CACNB4: variants seen among roughly 807,000 people sequenced by gnomAD.
CACNB4 encodes voltage-dependent L-type calcium channel subunit beta-4.
CACNB4 carries 32 observed loss-of-function variants against 71.2 expected under a neutral mutation model. The observed-to-expected ratio is 0.45, with a 90% confidence interval of 0.34 to 0.60. The LOEUF (loss-of-function observed/expected upper bound fraction) is 0.60. Among genes scored for constraint, CACNB4 ranks in the 20% least tolerant of loss-of-function variants. CACNB4 has a pLI of 0.01. For missense variants in CACNB4, 464 were observed against 647.9 expected, an observed-to-expected ratio of 0.72 and a Z score of 3.08; for synonymous variants, 231 against 236.9, an observed-to-expected ratio of 0.97 and a Z score of 0.23.
intron 2 of CACNB4, among the ~76,000 whole-genome samples, chr2:152,077,895 A>G (rs941396169): frequency 6.6e-6 from 1 of 152,214 alleles, no homozygotes; most frequent in Non-Finnish European, 1.5e-5. Flanking sequence ...AATCCATTAG[A>G]GGGTTTTAAA....
chr2:151,912,165 C>T (rs183058738), intron 2 of CACNB4, among the ~76,000 whole-genome samples: 44 of 152,108 alleles, frequency 2.9e-4, no homozygotes, highest in Non-Finnish European at 5.4e-4. Context: ...CCTCTATCTC[C>T]GTCAACTCTT....
rs553839417 is a variant in CACNB4 at position 152,074,594 on chromosome 2, C to T, written c.147+23736G>A. Among the ~76,000 whole-genome samples the T allele has an allele frequency of 5.2e-4, 79 of 151,588 alleles. 1 individual carries two copies. Among genetic ancestry groups the T allele is most frequent in the East Asian group, 7.7e-4 (4 of 5,172 alleles). ...CACAGCATAATCACTACTACCGTCC[C>T]CACCCTCCTCTCCACCATCACCATC... On this transcript the variant is annotated intron_variant, in intron 2 of 13. Coordinates refer to ENST00000539935, the MANE Select transcript of CACNB4 (RefSeq NM_000726.5).
In CACNB4 at chr2:151,833,748, T is replaced by C. The variant is rs982490993; in HGVS notation, c.*5371A>G. The C allele has an allele frequency of 1.3e-5, 2 of 152,118 alleles. No individual in the cohort carries two copies. Among genetic ancestry groups the C allele is most frequent in the African/African-American group, 2.4e-5 (1 of 41,462 alleles). The allele number at this position is 152,118 out of a possible 1,614,324, so 9.4% of individuals were successfully genotyped here. On this transcript the variant is annotated 3_prime_UTR_variant, in exon 14 of 14. Coordinates refer to ENST00000539935, the MANE Select transcript of CACNB4 (RefSeq NM_000726.5). ...CCAAATTTAACGGTGGATTTTGTTA[T>C]AAGTTTGTGCTATAACAAATGTGCT...
intron 12 of CACNB4, among the ~76,000 whole-genome samples, chr2:151,845,952 A>G (rs1254228440): frequency 6.6e-6 from 1 of 152,246 alleles, no homozygotes; most frequent in African/African-American, 2.4e-5. Context: ...ACGAAGAGTG[A>G]AAAACATGCC....
chr2:151,942,352 G>A (rs890718584), intron 2 of CACNB4, among the ~76,000 whole-genome samples: 3 of 149,196 alleles, frequency 2.0e-5, no homozygotes, highest in Non-Finnish European at 4.4e-5. Flanking sequence ...TCTTATGCCT[G>A]TCTTATTTTA....
chr2:152,066,684 C>T (rs1242907031), intron 2 of CACNB4, among the ~76,000 whole-genome samples: 1 of 150,386 alleles, frequency 6.6e-6, no homozygotes, highest in Non-Finnish European at 1.5e-5. Context: ...GCTATAAAGA[C>T]ACATGCACAC....
chr2:151,946,529 G>A lies in CACNB4; in HGVS notation c.148-63159C>T, dbSNP rs184011802. 9.2e-5 allele frequency among the ~76,000 whole-genome samples: 14 copies of A among 152,272 alleles called. No homozygotes were observed. The East Asian group carries it at 2.3e-3, about 25-fold the overall frequency. ...AAATGTTATCAGAAGGCTGTTGGAT[G>A]CACTTTAAACCATTAGCATTCCTTA... is the stretch of plus-strand genomic sequence containing the variant. On this transcript the variant is annotated intron_variant, in intron 2 of 13. Coordinates refer to ENST00000539935, the MANE Select transcript of CACNB4 (RefSeq NM_000726.5).
chr2:151,942,777 C>T (rs2099864590), intron 2 of CACNB4, among the ~76,000 whole-genome samples: 2 of 152,260 alleles, frequency 1.3e-5, no homozygotes, highest in East Asian at 1.9e-4. Flanking sequence ...CCATGATCTC[C>T]TGCAGTACTC....
At chr2:152,034,759 C>T (rs1684467621) in intron 2 of CACNB4, among the ~76,000 whole-genome samples, 1 of 152,198 alleles carries the variant, frequency 6.6e-6, no homozygotes, top group African/African-American at 2.4e-5. Context: ...CTTTTAAACA[C>T]ACTAACCCCT....
chr2:152,001,056 T>C (rs2151779405), intron 2 of CACNB4, among the ~76,000 whole-genome samples: 1 of 152,320 alleles, frequency 6.6e-6, no homozygotes, highest in Admixed American at 6.5e-5. Flanking sequence ...CACCGAATCT[T>C]TTCAACAACC....
chr2:152,077,723 T>C (rs548546372), intron 2 of CACNB4, among the ~76,000 whole-genome samples: 3 of 151,950 alleles, frequency 2.0e-5, no homozygotes, highest in African/African-American at 4.8e-5. Context: ...AGAGGGACAC[T>C]CCCTCTCAAA....
At chr2:151,962,991 T>G (rs964520793) in intron 2 of CACNB4, 1 of 152,122 alleles carries the variant, frequency 6.6e-6, no homozygotes, top group East Asian at 1.9e-4. Flanking sequence ...ACCTTGGAAT[T>G]TGGCATCCTA....
rs182385202 is a variant in CACNB4, at chr2:152,051,306, T to C, written c.147+47024A>G. Among the ~76,000 whole-genome samples the C allele has an allele frequency of 7.2e-5, 11 of 152,298 alleles. No individual in the cohort carries two copies. The East Asian group carries it at 1.9e-3, about 27-fold the overall frequency. ...ATTCACATACCATTCAATTCACCCATTTAAAGTGCATAATCAACAGTTTAG... is the reference window on the plus strand; with the variant it reads ...ATTCACATACCATTCAATTCACCCACTTAAAGTGCATAATCAACAGTTTAG... On this transcript the variant is annotated intron_variant, in intron 2 of 13. Coordinates refer to ENST00000539935, the MANE Select transcript of CACNB4 (RefSeq NM_000726.5).
chr2:151,970,188 C>T (rs1330540104), intron 2 of CACNB4: 1 of 152,186 alleles, frequency 6.6e-6, no homozygotes, highest in African/African-American at 2.4e-5. Flanking sequence ...CCTGTGCAGG[C>T]CAGTTCTAGT....
chr2:151,914,257 G>A (rs889132347), intron 2 of CACNB4, among the ~76,000 whole-genome samples: 4 of 151,970 alleles, frequency 2.6e-5, no homozygotes, highest in African/African-American at 9.7e-5. Flanking sequence ...CTGCTTGGTC[G>A]ATTCAGCTAT....
chr2:152,071,161 G>A (rs1352479144), intron 2 of CACNB4, among the ~76,000 whole-genome samples: 2 of 152,196 alleles, frequency 1.3e-5, no homozygotes. Context: ...CTTAATAACT[G>A]TTGTTCACAC....
chr2:152,070,445 C>G (rs939564675), intron 2 of CACNB4, among the ~76,000 whole-genome samples: 5 of 152,148 alleles, frequency 3.3e-5, no homozygotes, highest in Non-Finnish European at 7.3e-5. Flanking sequence ...CCAATCAAGT[C>G]AACATGGGCT....
At chr2:152,013,688 T>G (rs1216649575) in intron 2 of CACNB4, among the ~76,000 whole-genome samples, 1 of 152,220 alleles carries the variant, frequency 6.6e-6, no homozygotes, top group African/African-American at 2.4e-5. Flanking sequence ...AACCTCTTCA[T>G]GCAACCATTA....
intron 2 of CACNB4, among the ~76,000 whole-genome samples, chr2:151,885,485 G>C (rs1280624584): frequency 1.3e-5 from 2 of 152,126 alleles, no homozygotes; most frequent in Non-Finnish European, 2.9e-5. Flanking sequence ...TCCAGGACCT[G>C]GCACATAACA....
Sources: gnomAD v4.1 joint callset for allele counts (sites outside exome capture counted in the v4.1 genomes callset) on GRCh38, gnomAD v4.1.1 for gene constraint, MANE v1.5 for transcripts, NCBI Gene and HGNC (gene_info 2026-07-23, HGNC 2026-07-21) for gene names.